IP6K3: variants seen among roughly 807,000 people sequenced by gnomAD.
The protein encoded by IP6K3 is ATP:1D-myo-inositol-hexakisphosphate phosphotransferase.
IP6K3 carries 20 observed loss-of-function variants against 28.8 expected under a neutral mutation model. The observed-to-expected ratio is 0.70, with a 90% CI of 0.49 to 1.01. The LOEUF (loss-of-function observed/expected upper bound fraction) is 1.01, where lower values mean the gene tolerates loss of function less well. IP6K3 is among the 50% of genes least tolerant of loss of function. IP6K3 has a pLI of 0.00. For missense variants in IP6K3, 480 were observed against 537.1 expected (o/e 0.89, Z 1.05); for synonymous variants, 213 against 221.3 (o/e 0.96, Z 0.33).
intron 2 of IP6K3, among the ~76,000 whole-genome samples, 162 bp from the exon 3 acceptor site, chr6:33,728,462 T>A (rs897639360): frequency 6.6e-6 from 1 of 152,188 alleles, no homozygotes; most frequent in African/African-American, 2.4e-5. Flanking sequence ...CTGGCCTGGT[T>A]TTGCCTGAAC....
At chr6:33,725,084 C>A (rs1323008663) in intron 5 of IP6K3, among the ~76,000 whole-genome samples, 2 of 151,996 alleles carry the variant, frequency 1.3e-5, no homozygotes, top group Admixed American at 1.3e-4. Flanking sequence ...AAAAAATTAG[C>A]CAGGCGTGGG....
At chr6:33,753,716 T>G in the IP6K3 span, among the ~76,000 whole-genome samples, 9 of 152,248 alleles carry the variant, frequency 5.9e-5, no homozygotes, top group Non-Finnish European at 5.9e-5. Context: ...TCACGTGGAC[T>G]TTTCCTCTTT....
upstream of IP6K3, among the ~76,000 whole-genome samples, chr6:33,750,848 C>T (rs1767012380): frequency 1.3e-5 from 2 of 152,124 alleles, no homozygotes; most frequent in African/African-American, 4.8e-5. This position sits in a 1 kb window ranked among gnomAD's most constrained non-coding sequence, Gnocchi z 4.3. Flanking sequence ...AACAGCTGCC[C>T]CTGTCCCTGC....
upstream of IP6K3, among the ~76,000 whole-genome samples, chr6:33,750,563 T>C (rs1767009296): frequency 6.6e-6 from 1 of 152,240 alleles, no homozygotes. This position sits in a 1 kb window ranked among gnomAD's most constrained non-coding sequence, Gnocchi z 4.3. Flanking sequence ...TGTGACTTGC[T>C]CCTTGCCTGT....
chr6:33,761,382 C>G, the IP6K3 span, among the ~76,000 whole-genome samples: 2 of 152,138 alleles, frequency 1.3e-5, no homozygotes, highest in Non-Finnish European at 1.5e-5. Context: ...GATCCACCCC[C>G]ACTCCTGAGG....
intron 2 of IP6K3, among the ~76,000 whole-genome samples, chr6:33,734,117 C>T (rs1399734448): frequency 6.7e-6 from 1 of 149,990 alleles, no homozygotes; most frequent in African/African-American, 2.5e-5. Flanking sequence ...GCAGGAGAAT[C>T]GCTTGAACCT....
chr6:33,745,967 G>T (rs1766893614), intron 1 of IP6K3, among the ~76,000 whole-genome samples: 1 of 152,146 alleles, frequency 6.6e-6, no homozygotes, highest in South Asian at 2.1e-4. Flanking sequence ...AAATAAATGG[G>T]TAGCTTTTTA....
At chr6:33,757,011 GCTGCTC>G in the IP6K3 span, among the ~76,000 whole-genome samples, 1 of 152,244 alleles carries the variant, frequency 6.6e-6, no homozygotes, top group Non-Finnish European at 1.5e-5. Context: ...TCACTGCACT[GCTGCTC>G]GCCTGCTGCA....
the IP6K3 span, among the ~76,000 whole-genome samples, chr6:33,761,629 G>A: frequency 6.6e-6 from 1 of 152,174 alleles, no homozygotes; most frequent in Admixed American, 6.5e-5. Context: ...AGGGCAGGCT[G>A]CAGGGATGTA....
intron 2 of IP6K3, among the ~76,000 whole-genome samples, chr6:33,730,729 G>A (rs748049246): frequency 1.6e-4 from 24 of 152,148 alleles, no homozygotes; most frequent in Non-Finnish European, 2.9e-4. Flanking sequence ...CGGAGAGATG[G>A]GATAATCTGC....
At position 33,728,157 on chromosome 6, in the gene IP6K3, C is replaced by T. The variant is rs763055893; in HGVS notation, c.343G>A (p.Gly115Ser). The T allele has an allele frequency of 1.2e-5, 19 of 1,612,382 alleles. No individual in the cohort carries two copies. Among genetic ancestry groups the T allele is most frequent in the African/African-American group, 5.3e-5 (4 of 74,926 alleles). The change falls in exon 3 of 6, where the codon GGC becomes AGC. Residue 115 changes from glycine to serine, a missense_variant. Physicochemically the swap from Gly to Ser is moderately conservative, Grantham distance 56 (BLOSUM62 0). Transcript: ENST00000293756. ...AGGGTGCAGTCGCTGCCATTGCTGC[C>T]GGTGGTCTGCTGGAGCGTCTGCCAT... ...AIWQTLQQTTGSNGSDCTLAQ... is the reference protein window; with the variant it reads ...AIWQTLQQTTSSNGSDCTLAQ...
intron 3 of IP6K3, 54 bp downstream of exon 3, chr6:33,728,033 G>C: frequency 6.3e-7 from 1 of 1,581,932 alleles, no homozygotes; most frequent in Non-Finnish European, 8.5e-7. Flanking sequence ...GGTGGGAGCA[G>C]TGCCGGTCCC....
At chr6:33,758,230 G>C in the IP6K3 span, among the ~76,000 whole-genome samples, 1 of 152,158 alleles carries the variant, frequency 6.6e-6, no homozygotes. Flanking sequence ...GAAAGCTCAG[G>C]GGCCGGAGCT....
At chr6:33,751,713 G>A (rs924218990), upstream of IP6K3, among the ~76,000 whole-genome samples, 4 of 152,154 alleles carry the variant, frequency 2.6e-5, no homozygotes, top group Non-Finnish European at 5.9e-5. The surrounding 1 kb of genome is among the most constrained non-coding windows in gnomAD (Gnocchi z 4.3). Context: ...GAAACAGAGT[G>A]GCCTAGCCGG....
chr6:33,735,600 T>G lies in IP6K3; in HGVS notation c.-124A>C. The G allele has an allele frequency of 5.4e-6, 8 of 1,488,172 alleles. No individual in the cohort carries two copies. Among genetic ancestry groups the G allele is most frequent in the Non-Finnish European group, 7.1e-6 (8 of 1,126,228 alleles). The allele number at this position is 1,488,172 out of a possible 1,614,324, so 92.2% of individuals were successfully genotyped here. A position where few individuals can be genotyped will look rare whatever the true frequency, so the allele number is the denominator to read the frequency against. ...GTCCTCAACTTTCTCCTTCTTGGCC[T>G]TTATTGCTGTCATAGCGCAGTTGTC... On this transcript the variant is annotated 5_prime_UTR_variant, in exon 2 of 6. Coordinates refer to ENST00000293756, the MANE Select transcript of IP6K3 (RefSeq NM_054111.5).
At chr6:33,735,159 C>T (rs1268640936) in intron 2 of IP6K3, 119 bp downstream of exon 2, 10 of 758,576 alleles carry the variant, frequency 1.3e-5, no homozygotes, top group Admixed American at 5.3e-5. Context: ...GGGAGAGGGG[C>T]GCGTCTCTGT....
chr6:33,734,453 C>T (rs898272946), intron 2 of IP6K3, among the ~76,000 whole-genome samples: 8 of 152,214 alleles, frequency 5.3e-5, no homozygotes, highest in Non-Finnish European at 1.2e-4. Context: ...TTATTGTCAC[C>T]TTCACCACCA....
chr6:33,732,714 C>A (rs1426043862), intron 2 of IP6K3, among the ~76,000 whole-genome samples: 1 of 152,222 alleles, frequency 6.6e-6, no homozygotes, highest in African/African-American at 2.4e-5. Flanking sequence ...AAGGTCCCTG[C>A]CTCAGTGTGC....
chr6:33,733,215 T>A (rs1312935065), intron 2 of IP6K3, among the ~76,000 whole-genome samples: 1 of 152,270 alleles, frequency 6.6e-6, no homozygotes, highest in African/African-American at 2.4e-5. Context: ...AGGCATCCCC[T>A]GTAGCTATGG....
Sources: allele counts gnomAD v4.1 joint callset (sites outside exome capture counted in the v4.1 genomes callset), GRCh38; gene constraint gnomAD v4.1.1; non-coding constraint Gnocchi (gnomAD v3.1); transcripts MANE v1.5; gene names NCBI Gene and HGNC (gene_info 2026-07-23, HGNC 2026-07-21).